The following PSG7 variants were observed in gnomAD, a reference collection of about 807,000 sequenced individuals.
PSG7 encodes pregnancy specific beta-1-glycoprotein 7.
In PSG7, 57 loss-of-function variants were observed where a neutral mutation model predicts 45.6. The observed-to-expected ratio is 1.25, with a 90% CI of 1.01 to 1.56. The LOEUF is 1.56. Ranked by LOEUF, PSG7 falls within the 40% of genes most tolerant of loss-of-function variation. The pLI is 0.00. For missense variants in PSG7, 796 were observed against 508.4 expected, an observed-to-expected ratio of 1.57 and a Z score of -5.44; for synonymous variants, 298 against 194.4, an observed-to-expected ratio of 1.53 and a Z score of -4.43.
rs1466993688 is a variant in PSG7 at position 42,928,115 on chromosome 19, T to A, written c.709+1327A>T. On this transcript the variant is annotated intron_variant, in intron 3 of 5. Coordinates refer to ENST00000406070, the MANE Select transcript of PSG7 (RefSeq NM_002783.3). ...CCACGTTTCTAGCTTGGTGATTAGT[T>A]TTCGGTGAATTCCATACTGGCCATG... is the stretch of plus-strand genomic sequence containing the variant. Among the ~76,000 whole-genome samples the A allele has an allele frequency of 2.0e-5, 3 of 151,680 alleles. No homozygotes were observed. The East Asian group carries it at 5.8e-4, about 29-fold the overall frequency.
rs1973075587 is a variant in PSG7 at position 42,933,377 on chromosome 19, G to A, written c.430+2027C>T. Among the ~76,000 whole-genome samples the A allele has an allele frequency of 2.2e-5, 3 of 134,324 alleles. No individual in the cohort carries two copies. In the South Asian group the frequency reaches 7.6e-4, roughly 34 times the overall value. The allele number at this position is 134,324 out of a possible 152,430, so 88.1% of individuals were successfully genotyped here. A position where few individuals can be genotyped will look rare whatever the true frequency, so the allele number is the denominator to read the frequency against. Reference sequence around the variant, plus strand: ...GAACTTGTCTGGCAATTATAAGAGTGGATGGAGGAACTGCCTATCCCTGTC... The same window carrying A: ...GAACTTGTCTGGCAATTATAAGAGTAGATGGAGGAACTGCCTATCCCTGTC... On this transcript the variant is annotated intron_variant, in intron 2 of 5. Coordinates refer to ENST00000406070, the MANE Select transcript of PSG7 (RefSeq NM_002783.3).
chr19:42,928,751 G>C (rs747971480), intron 3 of PSG7, among the ~76,000 whole-genome samples: 4 of 151,282 alleles, frequency 2.6e-5, no homozygotes, highest in African/African-American at 4.9e-5. Flanking sequence ...AGACTTCCCT[G>C]GAAAACATAT....
intron 3 of PSG7, among the ~76,000 whole-genome samples, chr19:42,928,334 G>T (rs1036543888): frequency 1.3e-5 from 2 of 151,550 alleles, no homozygotes; most frequent in African/African-American, 4.9e-5. Context: ...TTACTGGGAT[G>T]CTGGTAGGGG....
chr19:42,931,095 C>T lies in PSG7; in HGVS notation c.431-1375G>A, dbSNP rs1006227813. ...ATTTCTGGATTTGGGATGCTCAATT[C>T]GTAATACTGTAATTTTCCCATAAAA... is the stretch of plus-strand genomic sequence containing the variant. On this transcript the variant is annotated intron_variant, in intron 2 of 5. Coordinates refer to ENST00000406070, the MANE Select transcript of PSG7 (RefSeq NM_002783.3). Among the ~76,000 whole-genome samples, 3 of 151,372 alleles carry T rather than the reference C, an allele frequency of 2.0e-5. 1 individual carries two copies. The highest frequency in any genetic ancestry group is 4.4e-5 in the Non-Finnish European group (3 of 67,860).
chr19:42,930,611 G>A (rs1036689984), intron 2 of PSG7, among the ~76,000 whole-genome samples: 2 of 151,694 alleles, frequency 1.3e-5, no homozygotes, highest in Non-Finnish European at 2.9e-5. Flanking sequence ...TGTGTTTGGT[G>A]GATATTAGAC....
At position 42,935,757 on chromosome 19, in the gene PSG7, T is replaced by A. The variant is rs782432332; in HGVS notation, c.77A>T (p.Asn26Ile). The A allele has an allele frequency of 2.5e-6, 4 of 1,609,690 alleles. No individual in the cohort carries two copies. In the African/African-American group the frequency reaches 4.0e-5, roughly 16 times the overall value. ...GGCTGTGGTGGGCGGGTTCCAGAAG[T>A]TTAAAAGTGATGCTAGGAGGTGGAG... ...KGLLLTASLL[N>I]FWNPPTTAQV... The change falls in exon 2 of 6, where the codon AAC (asparagine) becomes ATC (isoleucine). Residue 26 changes from asparagine (N) to isoleucine (I), a missense_variant. Asn to Ile is a moderately radical substitution (Grantham distance 149). Coordinates refer to ENST00000406070, the MANE Select transcript of PSG7 (RefSeq NM_002783.3).
intron 4 of PSG7, 83 bp from the exon 5 acceptor site, chr19:42,926,110 C>T: frequency 1.9e-6 from 3 of 1,554,450 alleles, no homozygotes; most frequent in Non-Finnish European, 2.6e-6. Context: ...CAGAGTGACC[C>T]TCTGAGCCGA....
chr19:42,936,978 T>A, intron 1 of PSG7, 35 bp downstream of exon 1: 1 of 1,606,980 alleles, frequency 6.2e-7, no homozygotes, highest in Non-Finnish European at 8.5e-7. Flanking sequence ...CTCTGCTTCC[T>A]TTTCCTGTCC....
rs375782621 is a variant in PSG7 at position 42,926,437 on chromosome 19, C to G, written c.988+1G>C. The stretch of plus-strand genomic sequence containing the variant: ...AAGAAAGGATACTCAAGGATACTCA[C>G]AGAGGACATTCAGGGTGACTGGGTC... On this transcript the variant is annotated splice_donor_variant, in intron 4 of 5. Transcript: ENST00000406070. LOFTEE classifies it high-confidence loss of function. 6.2e-7 allele frequency: 1 copy of G among 1,611,476 alleles called. No individual in the cohort carries two copies. Among genetic ancestry groups the G allele is most frequent in the South Asian group, 1.1e-5 (1 of 90,556 alleles).
At chr19:42,935,007 G>T (rs1436898469) in intron 2 of PSG7, among the ~76,000 whole-genome samples, 1 of 151,648 alleles carries the variant, frequency 6.6e-6, no homozygotes, top group African/African-American at 2.4e-5. Context: ...TTTAGGGACA[G>T]GGGTCTGGGG....
chr19:42,933,307 ATT>A (rs397965905), intron 2 of PSG7, among the ~76,000 whole-genome samples: 33 of 13,490 alleles, frequency 2.4e-3, no homozygotes, highest in African/African-American at 3.7e-3. Context: ...ATATATATAT[ATT>A]TTTTTTTTTT....
intron 2 of PSG7, among the ~76,000 whole-genome samples, chr19:42,931,338 A>G (rs1973014913): frequency 6.8e-6 from 1 of 146,244 alleles, no homozygotes; most frequent in Non-Finnish European, 1.5e-5. Flanking sequence ...GAAAGATGCC[A>G]AAGGTGATTT....
Position 42,924,285 on chromosome 19 carries a change from C to T in PSG7, c.*523G>A, listed in dbSNP as rs1365038200. On this transcript the variant is annotated 3_prime_UTR_variant, in exon 6 of 6. Transcript: ENST00000406070. ...CAGCTTTCCTACTCTTTATAGAAAC[C>T]ATCTTCTCTGCAAACACACAGGCAA... 6.6e-6 allele frequency: 2 copies of T among 304,242 alleles called. No individual in the cohort carries two copies. Among genetic ancestry groups the T allele is most frequent in the African/African-American group, 2.2e-5 (1 of 46,084 alleles). The allele number at this position is 304,242 out of a possible 1,614,324, so 18.8% of individuals were successfully genotyped here.
intron 4 of PSG7, 105 bp from the exon 5 acceptor site, chr19:42,926,132 A>G: frequency 6.6e-7 from 1 of 1,510,262 alleles, no homozygotes; most frequent in Non-Finnish European, 8.9e-7. Flanking sequence ...ACACACCCTC[A>G]AGTGACAGCC....
rs1973171242 is a variant in PSG7 at position 42,937,168 on chromosome 19, C to T, written c.-92G>A. ...GGCTGTCAGCTGTGCTGTCCTTCCT[C>T]CTTCTGCACTGAGCCTCTTCCCGGG... is the stretch of plus-strand genomic sequence containing the variant. On this transcript the variant is annotated 5_prime_UTR_variant, in exon 1 of 6. Coordinates refer to ENST00000406070, the MANE Select transcript of PSG7 (RefSeq NM_002783.3). The T allele has an allele frequency of 1.3e-6, 2 of 1,516,998 alleles. No individual in the cohort carries two copies. Among genetic ancestry groups the T allele is most frequent in the East Asian group, 2.3e-5 (1 of 43,370 alleles). 94.0% of individuals were successfully genotyped at this position (1,516,998 alleles called of 1,614,324 possible). A position where few individuals can be genotyped will look rare whatever the true frequency, so the allele number is the denominator to read the frequency against.
chr19:42,932,006 G>A (rs1973031042), intron 2 of PSG7, among the ~76,000 whole-genome samples: 1 of 151,300 alleles, frequency 6.6e-6, no homozygotes, highest in African/African-American at 2.4e-5. Flanking sequence ...AGCATCAAAA[G>A]CATTCTTCAT....
In PSG7 at chr19:42,925,781, C is replaced by G; in HGVS notation, c.1235G>C (p.Arg412Thr). Residue 412 changes from arginine (R) to threonine (T), a missense_variant, in exon 5 of 6, where the codon AGA becomes ACA. Arg to Thr is a moderately conservative substitution (Grantham distance 71). Transcript: ENST00000406070. ...GKESSKSVTVRVSDWTLP is the reference protein window; with the variant it reads ...GKESSKSVTVTVSDWTLP ...TGCTGGGATCCACTTACCAGAGACT[C>G]TGACTGTCACGGATTTGGAGCTTTC... is the stretch of plus-strand genomic sequence containing the variant. 1.2e-6 allele frequency: 2 copies of G among 1,612,016 alleles called. No homozygotes were observed. Among genetic ancestry groups the G allele is most frequent in the Non-Finnish European group, 1.7e-6 (2 of 1,179,012 alleles).
intron 2 of PSG7, 21 bp downstream of exon 2, chr19:42,935,383 G>A: frequency 6.2e-7 from 1 of 1,610,888 alleles, no homozygotes; most frequent in Non-Finnish European, 8.5e-7. Flanking sequence ...CAACACCCAG[G>A]GACCATGTGG....
Position 42,937,177 on chromosome 19 carries a change from C to A in PSG7, c.-101G>T. On this transcript the variant is annotated 5_prime_UTR_variant, in exon 1 of 6. Coordinates refer to ENST00000406070, the MANE Select transcript of PSG7 (RefSeq NM_002783.3). ...CTGTGCTGTCCTTCCTCCTTCTGCA[C>A]TGAGCCTCTTCCCGGGGCAGGAGCA... The A allele has an allele frequency of 6.7e-7, 1 of 1,494,330 alleles. No individual in the cohort carries two copies. Among genetic ancestry groups the A allele is most frequent in the South Asian group, 1.3e-5 (1 of 79,868 alleles). 92.6% of individuals were successfully genotyped at this position (1,494,330 alleles called of 1,614,324 possible). A position where few individuals can be genotyped will look rare whatever the true frequency, so the allele number is the denominator to read the frequency against.
Sources: gnomAD v4.1 joint callset for allele counts (sites outside exome capture counted in the v4.1 genomes callset) on GRCh38, gnomAD v4.1.1 for gene constraint, MANE v1.5 for transcripts, NCBI Gene and HGNC (gene_info 2026-07-23, HGNC 2026-07-21) for gene names.